Variants in PPP1R3A observed in about 807,000 individuals in gnomAD.
PPP1R3A encodes the protein protein phosphatase 1 regulatory subunit 3A.
Under a neutral mutation model 41.7 loss-of-function variants are expected in PPP1R3A, and 29 were observed. The observed-to-expected ratio is 0.70, with a 90% CI of 0.52 to 0.95. PPP1R3A has a LOEUF of 0.95. Ranked by LOEUF, PPP1R3A falls within the 40% of genes least tolerant of loss-of-function variation. The pLI is 0.00. For synonymous variants in PPP1R3A, 485 were observed against 453.4 expected, an observed-to-expected ratio of 1.07 and a Z score of -0.89; for missense variants, 1,352 against 1,292.4, an observed-to-expected ratio of 1.05 and a Z score of -0.71.
chr7:113,901,336 C>G (rs1469972465), intron 1 of PPP1R3A, among the ~76,000 whole-genome samples: 1 of 151,706 alleles, frequency 6.6e-6, no homozygotes, highest in Non-Finnish European at 1.5e-5. Flanking sequence ...ATTGGACTCT[C>G]CAACTCTATA....
intron 1 of PPP1R3A, among the ~76,000 whole-genome samples, chr7:113,912,387 G>A (rs1174091137): frequency 6.6e-6 from 1 of 152,104 alleles, no homozygotes; most frequent in Non-Finnish European, 1.5e-5. Flanking sequence ...ACATGTGTGT[G>A]CATGTGTACA....
chr7:113,895,341 A>T (rs1356134184), intron 1 of PPP1R3A, among the ~76,000 whole-genome samples: 1 of 151,952 alleles, frequency 6.6e-6, no homozygotes, highest in African/African-American at 2.4e-5. Flanking sequence ...ACATTTGTTA[A>T]AAAAAACACC....
chr7:113,878,124 C>T lies in PPP1R3A; in HGVS notation c.2968G>A (p.Glu990Lys), dbSNP rs1261146499. 1 of 1,613,394 alleles carries T rather than the reference C, an allele frequency of 6.2e-7. No individual in the cohort carries two copies. Among genetic ancestry groups the T allele is most frequent in the East Asian group, 2.2e-5 (1 of 44,814 alleles). ...TGGAAAATCTGGCCTATGCATCTTT[C>T]TTTTCTACTACCTGATGTCACTATT... The part of the protein sequence containing the change: ...SGIVTSGSRK[E>K]RCIGQIFQTE... The change falls in exon 4 of 4, where the codon GAA becomes AAA. Residue 990 changes from glutamate to lysine, a missense_variant. Physicochemically the swap from Glu to Lys is moderately conservative, Grantham distance 56. Coordinates refer to ENST00000284601, the MANE Select transcript of PPP1R3A (RefSeq NM_002711.4).
chr7:113,914,700 C>A (rs1797310670), intron 1 of PPP1R3A, among the ~76,000 whole-genome samples: 1 of 152,082 alleles, frequency 6.6e-6, no homozygotes, highest in Admixed American at 6.6e-5. Context: ...TATTATGTTC[C>A]AGACACTGTG....
At chr7:113,908,844 A>C (rs966646279) in intron 1 of PPP1R3A, among the ~76,000 whole-genome samples, 1 of 151,948 alleles carries the variant, frequency 6.6e-6, no homozygotes, top group South Asian at 2.1e-4. Context: ...TTGCAACAAC[A>C]TGGATCCACC....
intron 1 of PPP1R3A, among the ~76,000 whole-genome samples, chr7:113,884,357 T>A (rs1057248676): frequency 1.3e-5 from 2 of 152,030 alleles, no homozygotes; most frequent in African/African-American, 4.8e-5. Flanking sequence ...TTTATCAGAT[T>A]AAGTATTTTT....
At chr7:113,883,761 A>G (rs1796736046) in intron 1 of PPP1R3A, among the ~76,000 whole-genome samples, 1 of 151,974 alleles carries the variant, frequency 6.6e-6, no homozygotes, top group African/African-American at 2.4e-5. Context: ...CTCTATTCCC[A>G]TACAATACTG....
chr7:113,907,317 A>G (rs1029098483), intron 1 of PPP1R3A, among the ~76,000 whole-genome samples: 1 of 151,736 alleles, frequency 6.6e-6, no homozygotes, highest in Non-Finnish European at 1.5e-5. Context: ...AGGGTACACT[A>G]CTTTATTGAG....
At chr7:113,913,799 C>A (rs1797292905) in intron 1 of PPP1R3A, among the ~76,000 whole-genome samples, 1 of 152,030 alleles carries the variant, frequency 6.6e-6, no homozygotes, top group African/African-American at 2.4e-5. Context: ...GGAAATAATT[C>A]TTATTTCATT....
At chr7:113,906,088 T>C (rs1797140863) in intron 1 of PPP1R3A, among the ~76,000 whole-genome samples, 1 of 151,774 alleles carries the variant, frequency 6.6e-6, no homozygotes, top group African/African-American at 2.4e-5. Context: ...ACAATTAGAG[T>C]ATGCTGTAGC....
At position 113,879,541 on chromosome 7, in the gene PPP1R3A, A is replaced by T. The variant is rs1367114562; in HGVS notation, c.1551T>A (p.Asp517Glu). 3.1e-6 allele frequency: 5 copies of T among 1,612,942 alleles called. No homozygotes were observed. Among genetic ancestry groups the T allele is most frequent in the Non-Finnish European group, 4.2e-6 (5 of 1,179,466 alleles). The stretch of plus-strand genomic sequence containing the variant: ...CACCTAAATATATTCTTTGTTCTTC[A>T]TCATCCTTACCATTGCCATAATAAT... The part of the protein sequence containing the change: ...KEDYYGNGKD[D>E]EEQRIYLGVN... Residue 517 changes from aspartate (D) to glutamate (E), a missense_variant, in exon 4 of 4, where the codon GAT (aspartate) becomes GAA (glutamate). Physicochemically the swap from Asp to Glu is conservative, Grantham distance 45 (BLOSUM62 2). Coordinates refer to ENST00000284601, the MANE Select transcript of PPP1R3A (RefSeq NM_002711.4).
chr7:113,909,964 A>G (rs962810803), intron 1 of PPP1R3A, among the ~76,000 whole-genome samples: 8 of 152,228 alleles, frequency 5.3e-5, no homozygotes, highest in African/African-American at 1.9e-4. Context: ...CTTATAAAGG[A>G]AAGAGGTTTA....
intron 1 of PPP1R3A, among the ~76,000 whole-genome samples, chr7:113,885,514 T>C (rs1219134346): frequency 6.6e-6 from 1 of 152,158 alleles, no homozygotes; most frequent in Non-Finnish European, 1.5e-5. Context: ...TTACCTGAGA[T>C]ATCTAAAAGA....
Position 113,878,332 on chromosome 7 carries a change from A to T in PPP1R3A, c.2760T>A (p.His920Gln). ...CATTAGTTGACACTGAAATTTCAGT[A>T]TGATGTTTGGAAAAAGGAGAGCTAT... ...PQNSSPFSKH[H>Q]TEISVSTNEQ... The change falls in exon 4 of 4, where the codon CAT becomes CAA. Residue 920 changes from histidine (H) to glutamine (Q), a missense_variant. Physicochemically the swap from His to Gln is conservative, Grantham distance 24 (BLOSUM62 0). Transcript: ENST00000284601. 1 of 1,613,088 alleles carries T rather than the reference A, an allele frequency of 6.2e-7. No individual in the cohort carries two copies. Among genetic ancestry groups the T allele is most frequent in the Non-Finnish European group, 8.5e-7 (1 of 1,179,648 alleles).
At chr7:113,881,936 T>C (rs996434633) in intron 3 of PPP1R3A, 103 bp downstream of exon 3, 1 of 1,399,890 alleles carries the variant, frequency 7.1e-7, no homozygotes, top group Admixed American at 1.7e-5. Flanking sequence ...CTTTCACATT[T>C]GCAAATTATA....
chr7:113,896,321 C>T (rs1796974559), intron 1 of PPP1R3A, among the ~76,000 whole-genome samples: 1 of 151,892 alleles, frequency 6.6e-6, no homozygotes, highest in African/African-American at 2.4e-5. Context: ...TACCGCTTCA[C>T]ATTCAGAGAA....
chr7:113,905,424 C>T (rs1327722986), intron 1 of PPP1R3A, among the ~76,000 whole-genome samples: 1 of 151,680 alleles, frequency 6.6e-6, no homozygotes, highest in Non-Finnish European at 1.5e-5. Flanking sequence ...AAAGTAAAAG[C>T]CCTTGCCTAC....
chr7:113,877,768 T>G lies in PPP1R3A; in HGVS notation c.3324A>C (p.Leu1108=). ...LTFYVLSLSW[L]SWEEGRQKES... The stretch of plus-strand genomic sequence containing the variant: ...CTTTTTGTCTACCCTCTTCCCAGGA[T>G]AGCCAGGACAATGACAAAACGTAGA... The change falls in exon 4 of 4, where the codon CTA becomes CTC. Residue 1108 remains leucine, a synonymous_variant. Transcript: ENST00000284601. The G allele has an allele frequency of 1.3e-6, 2 of 1,594,104 alleles. No individual in the cohort carries two copies. Among genetic ancestry groups the G allele is most frequent in the Non-Finnish European group, 1.7e-6 (2 of 1,170,044 alleles).
chr7:113,890,185 G>A (rs2129116254), intron 1 of PPP1R3A, among the ~76,000 whole-genome samples: 1 of 152,244 alleles, frequency 6.6e-6, no homozygotes, highest in East Asian at 1.9e-4. Context: ...TAGTCAACTA[G>A]CTTAAGAGGC....
Sources: gnomAD v4.1 joint callset for allele counts (sites outside exome capture counted in the v4.1 genomes callset) on GRCh38, gnomAD v4.1.1 for gene constraint, MANE v1.5 for transcripts, NCBI Gene and HGNC (gene_info 2026-07-23, HGNC 2026-07-21) for gene names.